SNX2: variants seen among roughly 807,000 people sequenced by gnomAD.
The protein encoded by SNX2 is sorting nexin 2, also known as sorting nexin-2.
Under a neutral mutation model 69.9 loss-of-function variants are expected in SNX2, and 25 were observed. The observed-to-expected ratio is 0.36, with a 90% CI of 0.26 to 0.50. SNX2 has a LOEUF of 0.50. Ranked by LOEUF, SNX2 falls within the 20% of genes least tolerant of loss-of-function variation. The pLI is 0.97. For missense variants in SNX2, 551 were observed against 613.3 expected (o/e 0.90, Z 1.07); for synonymous variants, 229 against 200.4 (o/e 1.14, Z -1.20).
chr5:122,775,111 C>A lies in SNX2; in HGVS notation c.8C>A (p.Ala3Asp). MA[A>D]EREPPPLGDG... ...TCGTTCGGGTGAGCGAAGATGGCGG[C>A]CGAGAGGGAACCTCCTCCGCTGGGG... is the stretch of plus-strand genomic sequence containing the variant. The change falls in exon 1 of 15, where the codon GCC becomes GAC. Residue 3 changes from alanine to aspartate, a missense_variant. Physicochemically the swap from Ala to Asp is moderately radical, Grantham distance 126. This residue lies in a region of SNX2 where 191 missense variants were observed against 162.9 expected (regional missense o/e 1.17). Transcript: ENST00000379516. 6.3e-7 allele frequency: 1 copy of A among 1,587,708 alleles called. No individual in the cohort carries two copies. The highest frequency in any genetic ancestry group is 1.2e-5 in the South Asian group (1 of 86,356).
At position 122,830,693 on chromosome 5, in the gene SNX2, T is replaced by C. The variant is rs1754266089; in HGVS notation, c.*1045T>C. On this transcript the variant is annotated 3_prime_UTR_variant, in exon 15 of 15. Transcript: ENST00000379516. ...CTGTATGCTACTTAGACAGCTGTTA[T>C]CTAATCCTTAATGCTGATGAAAATT... 1.3e-5 allele frequency among the ~76,000 whole-genome samples: 2 copies of C among 152,136 alleles called. No homozygotes were observed. The highest frequency in any genetic ancestry group is 4.1e-4 in the South Asian group (2 of 4,820).
At chr5:122,819,724 T>G (rs976140633) in intron 11 of SNX2, among the ~76,000 whole-genome samples, 1 of 152,210 alleles carries the variant, frequency 6.6e-6, no homozygotes, top group African/African-American at 2.4e-5. Context: ...ATATTAGTTA[T>G]CATGGGGTTT....
Position 122,775,330 on chromosome 5 carries a change from C to T in SNX2, c.108+119C>T, listed in dbSNP as rs1752831649. On this transcript the variant is annotated intron_variant, in intron 1 of 14. Transcript: ENST00000379516. Reference sequence around the variant, plus strand: ...TGCAAGGACCGTCTTGGGGTGACACCTGTGACGCGAGCCCCACCTCCGGTG... The same window carrying T: ...TGCAAGGACCGTCTTGGGGTGACACTTGTGACGCGAGCCCCACCTCCGGTG... The T allele has an allele frequency of 2.1e-6, 3 of 1,399,464 alleles. No homozygotes were observed. The South Asian group carries it at 4.7e-5, about 22-fold the overall frequency. 86.7% of individuals were successfully genotyped at this position (1,399,464 alleles called of 1,614,324 possible). A position where few individuals can be genotyped will look rare whatever the true frequency, so the allele number is the denominator to read the frequency against.
At chr5:122,816,825 A>AG (rs148883473) in intron 8 of SNX2, 90 bp from the exon 9 acceptor site, 155,657 of 466,672 alleles carry the variant, frequency 0.33, 26,116 homozygotes, top group African/African-American at 0.56. Context: ...TGTGGGGGGG[A>AG]GGGGGGAGGA....
chr5:122,815,039 G>C (rs941591446), intron 7 of SNX2, among the ~76,000 whole-genome samples: 10 of 151,286 alleles, frequency 6.6e-5, no homozygotes, highest in African/African-American at 2.4e-4. Context: ...GTGAGCCACC[G>C]CGCCCAGCCG....
rs1370397612 is a variant in SNX2, at chr5:122,830,206, C to T, written c.*558C>T. ...TTCTTCTAGATGTATATAGGTGATG[C>T]CATGATTCCTTAATTATTTTAATTG... On this transcript the variant is annotated 3_prime_UTR_variant, in exon 15 of 15. Coordinates refer to ENST00000379516, the MANE Select transcript of SNX2 (RefSeq NM_003100.4). 6.6e-6 allele frequency: 1 copy of T among 152,582 alleles called. No individual in the cohort carries two copies. Among genetic ancestry groups the T allele is most frequent in the Non-Finnish European group, 1.5e-5 (1 of 68,128 alleles). The allele number at this position is 152,582 out of a possible 1,614,324, so 9.5% of individuals were successfully genotyped here.
chr5:122,786,962 A>T (rs1471340289), intron 1 of SNX2, among the ~76,000 whole-genome samples: 1 of 152,170 alleles, frequency 6.6e-6, no homozygotes, highest in African/African-American at 2.4e-5. Flanking sequence ...GTGTGGGGGA[A>T]TAAAGGAATA....
At chr5:122,775,044 T>G, upstream of SNX2, 1 of 1,478,696 alleles carries the variant, frequency 6.8e-7, no homozygotes. Context: ...GGCCCAGCCG[T>G]GCGTGCTCAC....
chr5:122,834,252 A>ACTAT lies in SNX2; in HGVS notation c.*4608_*4611dup, dbSNP rs373943729. 6.6e-6 allele frequency: 1 copy of ACTAT among 152,210 alleles called. No individual in the cohort carries two copies. The highest frequency in any genetic ancestry group is 1.5e-5 in the Non-Finnish European group (1 of 68,018). The allele number at this position is 152,210 out of a possible 1,614,324, so 9.4% of individuals were successfully genotyped here. On this transcript the variant is annotated 3_prime_UTR_variant, in exon 15 of 15. Transcript: ENST00000379516. ...GTAGAAGATAGGGAAGCTGTAGTTT[A>ACTAT]CTATCTAGTTTTTTAATGCACATGA...
At chr5:122,827,267 A>G (rs1007935317) in intron 12 of SNX2, 112 bp from the exon 13 acceptor site, 1 of 820,124 alleles carries the variant, frequency 1.2e-6, no homozygotes, top group Non-Finnish European at 2.0e-6. Context: ...TGCATTGCCA[A>G]TATTGAGCTT....
At chr5:122,775,346 A>G (rs1752832100) in intron 1 of SNX2, 135 bp downstream of exon 1, 1 of 1,381,542 alleles carries the variant, frequency 7.2e-7, no homozygotes, top group Admixed American at 3.0e-5. Context: ...CGCGAGCCCC[A>G]CCTCCGGTGC....
chr5:122,793,917 A>C (rs74372936), intron 1 of SNX2, among the ~76,000 whole-genome samples: 22,657 of 61,114 alleles, frequency 0.37, 1,933 homozygotes, highest in East Asian at 0.59. Context: ...CTGTCCCCCC[A>C]AAAAAAAAAA....
chr5:122,799,535 A>G (rs1294664900), intron 2 of SNX2, among the ~76,000 whole-genome samples, 157 bp from the exon 3 acceptor site: 2 of 152,194 alleles, frequency 1.3e-5, no homozygotes, highest in Non-Finnish European at 2.9e-5. Context: ...ATAAATAAGG[A>G]TGCATAAAAT....
At chr5:122,800,932 A>G (rs1753492677) in intron 3 of SNX2, among the ~76,000 whole-genome samples, 1 of 152,152 alleles carries the variant, frequency 6.6e-6, no homozygotes, top group Non-Finnish European at 1.5e-5. Context: ...TTTTAATGGC[A>G]TTTACAAGGG....
intron 1 of SNX2, among the ~76,000 whole-genome samples, chr5:122,783,180 C>T (rs894417520): frequency 1.3e-5 from 2 of 151,584 alleles, no homozygotes; most frequent in African/African-American, 4.9e-5. Context: ...CTCTTGACCT[C>T]GTGATCCACC....
chr5:122,829,204 T>C (rs1273084126), intron 14 of SNX2, among the ~76,000 whole-genome samples: 2 of 152,006 alleles, frequency 1.3e-5, no homozygotes, highest in African/African-American at 4.8e-5. Flanking sequence ...TGTTTTTGTT[T>C]GTTTGTTTGT....
rs1754259289 is a variant in SNX2 at position 122,830,405 on chromosome 5, G to A, written c.*757G>A. ...CCAATTTAAGAATTAGGAAAAAAAT[G>A]TATTTATATACTTTTACAAGTCCCA... is the stretch of plus-strand genomic sequence containing the variant. On this transcript the variant is annotated 3_prime_UTR_variant, in exon 15 of 15. Transcript: ENST00000379516. Among the ~76,000 whole-genome samples, 1 of 152,082 alleles carries A rather than the reference G, an allele frequency of 6.6e-6. No individual in the cohort carries two copies. Among genetic ancestry groups the A allele is most frequent in the South Asian group, 2.1e-4 (1 of 4,828 alleles).
Position 122,829,938 on chromosome 5 carries a change from A to G in SNX2, c.*290A>G, listed in dbSNP as rs1754247980. ...CTTAAATACTTGCACTAAATAGTGC[A>G]CTGCAAGACCAGAAAATTTTACAAT... On this transcript the variant is annotated 3_prime_UTR_variant, in exon 15 of 15. Transcript: ENST00000379516. 2.7e-6 allele frequency: 1 copy of G among 369,666 alleles called. No homozygotes were observed. Among genetic ancestry groups the G allele is most frequent in the Admixed American group, 4.3e-5 (1 of 23,230 alleles). The allele number at this position is 369,666 out of a possible 1,614,324, so 22.9% of individuals were successfully genotyped here.
intron 11 of SNX2, among the ~76,000 whole-genome samples, chr5:122,823,859 C>T (rs544027142): frequency 6.6e-6 from 1 of 151,444 alleles, no homozygotes; most frequent in African/African-American, 2.4e-5. Context: ...TTCCAACATG[C>T]GGCCGGGGAC....
Sources: gnomAD v4.1 joint callset for allele counts (sites outside exome capture counted in the v4.1 genomes callset) on GRCh38, gnomAD v4.1.1 for gene constraint, gnomAD v4.1.1 regional missense constraint, MANE v1.5 for transcripts, NCBI Gene and HGNC (gene_info 2026-07-23, HGNC 2026-07-21) for gene names.